The following SPEG variants were observed in gnomAD, a reference collection of about 807,000 sequenced individuals.
SPEG encodes striated muscle preferentially expressed protein kinase.
Under a neutral mutation model 300.4 loss-of-function variants are expected in SPEG, and 114 were observed. The observed-to-expected ratio is 0.38, with a 90% CI of 0.33 to 0.44. SPEG has a LOEUF of 0.44. Ranked by LOEUF, SPEG falls within the 20% of genes least tolerant of loss-of-function variation. The pLI is 1.00. For missense variants in SPEG, 4,201 were observed against 4,586.2 expected (o/e 0.92, Z 2.43); for synonymous variants, 1,964 against 2,018.9 (o/e 0.97, Z 0.73).
chr2:219,440,790 C>T (rs947032121), intron 1 of SPEG, among the ~76,000 whole-genome samples: 1 of 152,254 alleles, frequency 6.6e-6, no homozygotes, highest in Non-Finnish European at 1.5e-5. Context: ...TTCCTCTTGT[C>T]GTGAGGATTA....
At position 219,443,307 on chromosome 2, in the gene SPEG, C is replaced by T; in HGVS notation, c.389-1346C>T. 3.7e-6 allele frequency: 3 copies of T among 803,248 alleles called. No individual in the cohort carries two copies. Among genetic ancestry groups the T allele is most frequent in the Non-Finnish European group, 6.6e-6 (3 of 453,190 alleles). 49.8% of individuals were successfully genotyped at this position (803,248 alleles called of 1,614,324 possible). ...ATCTACCACCCACCCGACCAGGCCC[C>T]CTGTGCCCTACAGCTGAGAGAGGAC... is the stretch of plus-strand genomic sequence containing the variant. On this transcript the variant is annotated intron_variant, in intron 1 of 40. Coordinates refer to ENST00000312358, the MANE Select transcript of SPEG (RefSeq NM_005876.5). This position sits in a 1 kb window ranked among gnomAD's most constrained non-coding sequence, Gnocchi z 4.6.
In SPEG at chr2:219,464,917, A is replaced by C. The variant is rs1575108665; in HGVS notation, c.2881+309A>C. On this transcript the variant is annotated intron_variant, in intron 9 of 40. Coordinates refer to ENST00000312358, the MANE Select transcript of SPEG (RefSeq NM_005876.5). This position sits in a 1 kb window ranked among gnomAD's most constrained non-coding sequence, Gnocchi z 4.5. Reference sequence around the variant, plus strand: ...CTGCCACTGGCCAAGCTCTCTCTACACTCTTCTGAGCCTTTGTCACCCTGC... The same window carrying C: ...CTGCCACTGGCCAAGCTCTCTCTACCCTCTTCTGAGCCTTTGTCACCCTGC... The C allele has an allele frequency of 2.9e-6, 1 of 343,776 alleles. No individual in the cohort carries two copies. Among genetic ancestry groups the C allele is most frequent in the Non-Finnish European group, 5.4e-6 (1 of 185,782 alleles). 21.3% of individuals were successfully genotyped at this position (343,776 alleles called of 1,614,324 possible). A position where few individuals can be genotyped will look rare whatever the true frequency, so the allele number is the denominator to read the frequency against.
rs775582963 is a variant in SPEG at position 219,481,256 on chromosome 2, C to A, written c.5370-48C>A. 3 of 1,593,582 alleles carry A rather than the reference C, an allele frequency of 1.9e-6. No homozygotes were observed. The South Asian group carries it at 3.4e-5, about 18-fold the overall frequency. ...CAGCCCTGTGCCCCCACTGACATTC[C>A]CCTTTGTCCCCGCCTGCCCCTCATG... On this transcript the variant is annotated intron_variant, in intron 26 of 40. Transcript: ENST00000312358. The surrounding 1 kb of genome is among the most constrained non-coding windows in gnomAD (Gnocchi z 5.4).
chr2:219,441,331 G>A (rs1688902785), intron 1 of SPEG, among the ~76,000 whole-genome samples: 1 of 152,162 alleles, frequency 6.6e-6, no homozygotes, highest in South Asian at 2.1e-4. Flanking sequence ...AGGGGGCCGC[G>A]CATGGGACAA....
chr2:219,493,185 C>T lies in SPEG; in HGVS notation c.*399C>T. The T allele has an allele frequency of 2.5e-6, 1 of 402,882 alleles. No homozygotes were observed. The highest frequency in any genetic ancestry group is 4.8e-6 in the Non-Finnish European group (1 of 208,486). 25.0% of individuals were successfully genotyped at this position (402,882 alleles called of 1,614,324 possible). On this transcript the variant is annotated 3_prime_UTR_variant, in exon 41 of 41. Coordinates refer to ENST00000312358, the MANE Select transcript of SPEG (RefSeq NM_005876.5). ...CTGGAGAGGAGGAAAAGGAAGGAGC[C>T]CCAGGTGTCAGGGCAGTAGGCTGGG...
chr2:219,469,486 A>G (rs1457877441), intron 13 of SPEG, 107 bp downstream of exon 13: 1 of 931,034 alleles, frequency 1.1e-6, no homozygotes, highest in Non-Finnish European at 1.6e-6. Flanking sequence ...CTGTAGCCTG[A>G]CCAGGGACAG....
rs867153803 is a variant in SPEG at position 219,466,328 on chromosome 2, G to T, written c.2882-846G>T. ...ATGGACTGAGTGCTGGGAAGGGGCG[G>T]CTGCGAGGGGTATCAACCCCCCGAG... is the stretch of plus-strand genomic sequence containing the variant. On this transcript the variant is annotated intron_variant, in intron 9 of 40. Coordinates refer to ENST00000312358, the MANE Select transcript of SPEG (RefSeq NM_005876.5). The T allele has an allele frequency of 7.1e-5, 100 of 1,408,550 alleles. No individual in the cohort carries two copies. The Middle Eastern group carries it at 1.3e-3, about 19-fold the overall frequency. The allele number at this position is 1,408,550 out of a possible 1,614,324, so 87.3% of individuals were successfully genotyped here. A position where few individuals can be genotyped will look rare whatever the true frequency, so the allele number is the denominator to read the frequency against.
At position 219,473,073 on chromosome 2, in the gene SPEG, A is replaced by G; in HGVS notation, c.4124A>G (p.Glu1375Gly). Residue 1375 changes from glutamate (E) to glycine (G), a missense_variant, in exon 16 of 41, where the codon GAG becomes GGG. Coordinates refer to ENST00000312358, the MANE Select transcript of SPEG (RefSeq NM_005876.5). The surrounding 1 kb of genome is among the most constrained non-coding windows in gnomAD (Gnocchi z 4.6). ...KSSSKPSPPS[E>G]PVQLLEHGPT... ...AGCAGCAAGCCCTCACCCCCTTCTG[A>G]GCCTGTGCAGCTGCTGGAGCACGGT... 1 of 1,613,654 alleles carries G rather than the reference A, an allele frequency of 6.2e-7. No individual in the cohort carries two copies. Among genetic ancestry groups the G allele is most frequent in the Non-Finnish European group, 8.5e-7 (1 of 1,179,976 alleles).
At chr2:219,437,199 G>A (rs1196722863) in intron 1 of SPEG, 1 of 152,306 alleles carries the variant, frequency 6.6e-6, no homozygotes, top group Non-Finnish European at 1.5e-5. Flanking sequence ...AGAAGTTCTG[G>A]AGAGAGAGGA....
chr2:219,440,522 C>G (rs2125210936), intron 1 of SPEG, among the ~76,000 whole-genome samples: 1 of 152,008 alleles, frequency 6.6e-6, no homozygotes, highest in East Asian at 1.9e-4. Flanking sequence ...ATTGTGCAGG[C>G]TGAACAAAAC....
chr2:219,483,938 C>A lies in SPEG; in HGVS notation c.6475C>A (p.Arg2159Ser). Residue 2159 changes from arginine to serine, a missense_variant, in exon 30 of 41, where the codon CGT becomes AGT. This residue lies in a region of SPEG where 1,578 missense variants were observed against 1,506.0 expected (regional missense o/e 1.05). Transcript: ENST00000312358. ...GATCCCCGTGGCCAGGCTTGGGGCCCGTAGGCTACAGGAGTCTCCTTCCCT... is the reference window on the plus strand; with the variant it reads ...GATCCCCGTGGCCAGGCTTGGGGCCAGTAGGCTACAGGAGTCTCCTTCCCT... ...LEIPVARLGA[R>S]RLQESPSLSA... 3 of 1,605,672 alleles carry A rather than the reference C, an allele frequency of 1.9e-6. No individual in the cohort carries two copies. The highest frequency in any genetic ancestry group is 2.5e-6 in the Non-Finnish European group (3 of 1,179,776).
chr2:219,461,647 C>A, intron 6 of SPEG: 1 of 848,412 alleles, frequency 1.2e-6, no homozygotes, highest in Non-Finnish European at 1.7e-6. Context: ...CTATGGTGTC[C>A]CCTCCTGGGA....
At chr2:219,461,455 G>A (rs1370444481) in intron 6 of SPEG, 4 of 1,032,652 alleles carry the variant, frequency 3.9e-6, no homozygotes, top group African/African-American at 3.5e-5. Context: ...CAAGAAATGG[G>A]CGTCCTAGCC....
In SPEG at chr2:219,480,227, C is replaced by G; in HGVS notation, c.5342+87C>G. ...CGCGCTCACTGGCAGGGAGATTTACCGAGCCTGAATTCCTCCTGAAGGTGG... is the reference window on the plus strand; with the variant it reads ...CGCGCTCACTGGCAGGGAGATTTACGGAGCCTGAATTCCTCCTGAAGGTGG... On this transcript the variant is annotated intron_variant, in intron 25 of 40. Coordinates refer to ENST00000312358, the MANE Select transcript of SPEG (RefSeq NM_005876.5). The surrounding 1 kb of genome is among the most constrained non-coding windows in gnomAD (Gnocchi z 5.3). The G allele has an allele frequency of 3.5e-6, 5 of 1,431,114 alleles. No homozygotes were observed. The highest frequency in any genetic ancestry group is 1.4e-5 in the African/African-American group (1 of 71,410). The allele number at this position is 1,431,114 out of a possible 1,614,324, so 88.7% of individuals were successfully genotyped here.
intron 38 of SPEG, among the ~76,000 whole-genome samples, chr2:219,491,443 C>A (rs921220167): frequency 1.3e-5 from 2 of 152,134 alleles, no homozygotes; most frequent in Non-Finnish European, 2.9e-5. Context: ...TAGAGCCAGC[C>A]AGGCTGATTT....
Position 219,444,828 on chromosome 2 carries a change from G to T in SPEG, c.482G>T (p.Gly161Val). 3 of 1,591,844 alleles carry T rather than the reference G, an allele frequency of 1.9e-6. No individual in the cohort carries two copies. Among genetic ancestry groups the T allele is most frequent in the Non-Finnish European group, 2.6e-6 (3 of 1,167,858 alleles). The change falls in exon 3 of 41, where the codon GGT (glycine) becomes GTT (valine). Residue 161 changes from glycine to valine, a missense_variant. Gly to Val is a moderately radical substitution (Grantham distance 109). Transcript: ENST00000312358. This position sits in a 1 kb window ranked among gnomAD's most constrained non-coding sequence, Gnocchi z 7.8. ...DDGAFSTPTG[G>V]SDTLVGTSLD... ...CTCACGGTGCTCCTTTCTCTAGGGG[G>T]TTCTGACACCCTGGTGGGCACCTCC...
rs935349713 is a variant in SPEG, at chr2:219,443,269, C to T, written c.389-1384C>T. 3.0e-6 allele frequency: 3 copies of T among 1,011,270 alleles called. No individual in the cohort carries two copies. The highest frequency in any genetic ancestry group is 4.8e-5 in the East Asian group (2 of 42,076). The allele number at this position is 1,011,270 out of a possible 1,614,324, so 62.6% of individuals were successfully genotyped here. A position where few individuals can be genotyped will look rare whatever the true frequency, so the allele number is the denominator to read the frequency against. On this transcript the variant is annotated intron_variant, in intron 1 of 40. Transcript: ENST00000312358. This position sits in a 1 kb window ranked among gnomAD's most constrained non-coding sequence, Gnocchi z 4.6. ...CCATGAGATGTGGAACCCTCCCACT[C>T]ACCCCCACACTTATCTACCACCCAC...
At chr2:219,467,067 A>G in intron 9 of SPEG, 107 bp from the exon 10 acceptor site, 6 of 1,351,436 alleles carry the variant, frequency 4.4e-6, no homozygotes, top group Non-Finnish European at 6.0e-6. Context: ...AACAAAATGC[A>G]TCTCTCTCTC....
Position 219,477,216 on chromosome 2 carries a change from C to CCTGGTACAGCGGCT in SPEG, c.4561-60_4561-59insTGGTACAGCGGCTC. The CCTGGTACAGCGGCT allele has an allele frequency of 1.7e-5, 25 of 1,467,322 alleles. No homozygotes were observed. Among genetic ancestry groups the CCTGGTACAGCGGCT allele is most frequent in the South Asian group, 1.0e-4 (8 of 77,936 alleles). 90.9% of individuals were successfully genotyped at this position (1,467,322 alleles called of 1,614,324 possible). A position where few individuals can be genotyped will look rare whatever the true frequency, so the allele number is the denominator to read the frequency against. On this transcript the variant is annotated intron_variant, in intron 19 of 40. Transcript: ENST00000312358. The surrounding 1 kb of genome is among the most constrained non-coding windows in gnomAD (Gnocchi z 6.4). ...GCGCTGCCCAGAGTAGGAGATGAGG[C>CCTGGTACAGCGGCT]CCTGGCCCCAAGGTAGAGATGAGGC... is the stretch of plus-strand genomic sequence containing the variant.
Sources: allele counts gnomAD v4.1 joint callset (sites outside exome capture counted in the v4.1 genomes callset), GRCh38; gene constraint gnomAD v4.1.1; regional missense constraint gnomAD v4.1.1; non-coding constraint Gnocchi (gnomAD v3.1); transcripts MANE v1.5; gene names NCBI Gene and HGNC (gene_info 2026-07-23, HGNC 2026-07-21).